Variants in TMEM117 observed in about 807,000 individuals in gnomAD.
The protein encoded by TMEM117 is transmembrane protein 117.
In TMEM117, 27 loss-of-function variants were observed where a neutral mutation model predicts 52.4. The observed-to-expected ratio is 0.51, with a 90% CI of 0.38 to 0.71. The LOEUF is 0.71. TMEM117 is among the 30% of genes least tolerant of loss of function. TMEM117 has a pLI of 0.00. For missense variants in TMEM117, 556 were observed against 630.5 expected (o/e 0.88, Z 1.26); for synonymous variants, 215 against 206.3 (o/e 1.04, Z -0.36).
chr12:44,261,655 C>T lies in TMEM117; in HGVS notation c.609-37925C>T, dbSNP rs151164923. 1.6e-3 allele frequency among the ~76,000 whole-genome samples: 241 copies of T among 152,220 alleles called. 2 individuals are homozygous for T. In the East Asian group the frequency reaches 0.019, roughly 12 times the overall value. On this transcript the variant is annotated intron_variant, in intron 5 of 7. Coordinates refer to ENST00000266534, the MANE Select transcript of TMEM117 (RefSeq NM_032256.3). ...ATAATAGGAACATAGATGGAAGGTA[C>T]GATGGTGTTGAATAATCCTGCTGTT... is the stretch of plus-strand genomic sequence containing the variant.
chr12:44,156,029 A>G (rs1948820850), intron 4 of TMEM117, among the ~76,000 whole-genome samples: 1 of 152,104 alleles, frequency 6.6e-6, no homozygotes, highest in South Asian at 2.1e-4. Flanking sequence ...CTGCATGTTA[A>G]TCATAGCTGA....
the TMEM117 span, among the ~76,000 whole-genome samples, chr12:44,398,295 A>G: frequency 1.3e-5 from 2 of 152,220 alleles, no homozygotes; most frequent in South Asian, 4.1e-4. Context: ...AAGGGATCCA[A>G]TATGGAGGGA....
rs1312217682 is a variant in TMEM117 at position 43,961,234 on chromosome 12, T to C, written c.410+16892T>C. Among the ~76,000 whole-genome samples, 3 of 151,622 alleles carry C rather than the reference T, an allele frequency of 2.0e-5. No individual in the cohort carries two copies. In the East Asian group the frequency reaches 5.8e-4, roughly 29 times the overall value. On this transcript the variant is annotated intron_variant, in intron 3 of 7. Transcript: ENST00000266534. ...TAAAAACAGAAAACATATATTTTAG[T>C]TGAAGTACTTTAGCTCTCAATAAAT...
chr12:43,837,128 T>C (rs1943045129), intron 1 of TMEM117, among the ~76,000 whole-genome samples: 1 of 152,216 alleles, frequency 6.6e-6, no homozygotes, highest in Admixed American at 6.5e-5. Context: ...AAAGTAATTA[T>C]GGATTTTGAC....
In TMEM117 at chr12:44,226,814, A is replaced by G. The variant is rs147354472; in HGVS notation, c.608+15427A>G. Among the ~76,000 whole-genome samples, 349 of 152,242 alleles carry G rather than the reference A, an allele frequency of 2.3e-3. 12 individuals carry two copies. In the East Asian group the frequency reaches 0.035, roughly 15 times the overall value. On this transcript the variant is annotated intron_variant, in intron 5 of 7. Coordinates refer to ENST00000266534, the MANE Select transcript of TMEM117 (RefSeq NM_032256.3). ...GCCTCAGAAGAAGCCAACCCTGCCA[A>G]CACCTTGATTTGAGGCTTCTAGCCC... is the stretch of plus-strand genomic sequence containing the variant.
At chr12:44,274,181 A>C (rs1158514154) in intron 5 of TMEM117, among the ~76,000 whole-genome samples, 1 of 152,102 alleles carries the variant, frequency 6.6e-6, no homozygotes, top group Non-Finnish European at 1.5e-5. Context: ...CATGTGAAAT[A>C]GAAATTTTAA....
intron 3 of TMEM117, among the ~76,000 whole-genome samples, chr12:43,953,714 A>G (rs1014660642): frequency 1.3e-5 from 2 of 152,222 alleles, no homozygotes; most frequent in Admixed American, 6.5e-5. Context: ...GAAGACTTTA[A>G]TACCCCACTG....
chr12:44,231,996 T>G (rs1237617710), intron 5 of TMEM117, among the ~76,000 whole-genome samples: 1 of 151,664 alleles, frequency 6.6e-6, no homozygotes. Flanking sequence ...TCCATGCCTC[T>G]TCTGTAAAAA....
rs74448957 is a variant in TMEM117 at position 43,994,994 on chromosome 12, C to T, written c.410+50652C>T. ...TTGAAGCTTCAGAAATTAAGGAATTCGGTTGGGTGTGGTGGCTCATGCTTG... is the reference window on the plus strand; with the variant it reads ...TTGAAGCTTCAGAAATTAAGGAATTTGGTTGGGTGTGGTGGCTCATGCTTG... On this transcript the variant is annotated intron_variant, in intron 3 of 7. Transcript: ENST00000266534. Among the ~76,000 whole-genome samples the T allele has an allele frequency of 2.0e-3, 301 of 152,060 alleles. 3 individuals carry two copies. In the East Asian group the frequency reaches 0.036, roughly 18 times the overall value.
At chr12:44,348,389 C>G (rs756231827) in intron 6 of TMEM117, among the ~76,000 whole-genome samples, 2 of 151,790 alleles carry the variant, frequency 1.3e-5, no homozygotes, top group Non-Finnish European at 2.9e-5. Context: ...ATTATTTTGA[C>G]CCTTCCTGCC....
intron 3 of TMEM117, among the ~76,000 whole-genome samples, chr12:43,981,763 A>G (rs1487251125): frequency 6.6e-6 from 1 of 152,182 alleles, no homozygotes; most frequent in African/African-American, 2.4e-5. Flanking sequence ...TACCTTTTCA[A>G]GAGATGTTCA....
At chr12:43,943,703 CAG>C (rs1432372857) in intron 2 of TMEM117, among the ~76,000 whole-genome samples, 18 of 152,170 alleles carry the variant, frequency 1.2e-4, no homozygotes, top group Admixed American at 1.2e-3. Flanking sequence ...TGTTTTATAA[CAG>C]AGACTTAATT....
intron 5 of TMEM117, among the ~76,000 whole-genome samples, chr12:44,285,734 T>A (rs887505291): frequency 3.9e-5 from 6 of 152,176 alleles, no homozygotes; most frequent in Non-Finnish European, 8.8e-5. Context: ...GAGGTGACAA[T>A]ATTGATCATT....
chr12:44,226,227 C>T (rs932952630), intron 5 of TMEM117, among the ~76,000 whole-genome samples: 3 of 152,100 alleles, frequency 2.0e-5, no homozygotes, highest in Non-Finnish European at 4.4e-5. Flanking sequence ...GCACCTGTTT[C>T]ACAATCTGTT....
chr12:43,907,458 C>T lies in TMEM117; in HGVS notation c.278-36752C>T, dbSNP rs367990382. On this transcript the variant is annotated intron_variant, in intron 2 of 7. Transcript: ENST00000266534. ...GAGCGCCTCTCCTCCTCCAAAGGAA[C>T]GCAGTTCCTCACCAGCAACAGAACA... 9.0e-3 allele frequency among the ~76,000 whole-genome samples: 1,372 copies of T among 151,648 alleles called. 37 individuals are homozygous for T. Among genetic ancestry groups the T allele is most frequent in the East Asian group, 0.068 (346 of 5,122 alleles).
At chr12:44,335,678 A>G (rs1464553464) in intron 6 of TMEM117, among the ~76,000 whole-genome samples, 1 of 152,106 alleles carries the variant, frequency 6.6e-6, no homozygotes, top group Non-Finnish European at 1.5e-5. Flanking sequence ...TGGTAAAGAC[A>G]TGTAGAGATT....
rs1046729504 is a variant in TMEM117, at chr12:44,095,355, G to A, written c.411-48170G>A. ...TTGGCAAAAACTTTGAGAAAAATAA[G>A]TAAATTCATTCAACGAGTAGGATTG... On this transcript the variant is annotated intron_variant, in intron 3 of 7. Transcript: ENST00000266534. Among the ~76,000 whole-genome samples the A allele has an allele frequency of 2.6e-5, 4 of 152,128 alleles. No homozygotes were observed. In the South Asian group the frequency reaches 6.2e-4, roughly 24 times the overall value.
At chr12:43,844,552 C>A in intron 1 of TMEM117, 72 bp from the exon 2 acceptor site, 1 of 1,336,512 alleles carries the variant, frequency 7.5e-7, no homozygotes, top group Non-Finnish European at 1.0e-6. Flanking sequence ...CTGTTATAAA[C>A]CTGAACTGAT....
chr12:44,395,254 G>C, the TMEM117 span, among the ~76,000 whole-genome samples: 1 of 152,090 alleles, frequency 6.6e-6, no homozygotes. Context: ...AAACTCAGAG[G>C]CTCTGTCATT....
Sources: allele counts gnomAD v4.1 joint callset (sites outside exome capture counted in the v4.1 genomes callset), GRCh38; gene constraint gnomAD v4.1.1; transcripts MANE v1.5; gene names NCBI Gene and HGNC (gene_info 2026-07-23, HGNC 2026-07-21).